Variants in CDH12 observed in about 807,000 individuals in gnomAD.
The protein encoded by CDH12 is cadherin 12.
Under a neutral mutation model 74.1 loss-of-function variants are expected in CDH12, and 41 were observed. That is an observed-to-expected ratio of 0.55 (90% CI 0.43 to 0.72). CDH12 has a LOEUF of 0.72. Ranked by LOEUF, CDH12 falls within the 30% of genes least tolerant of loss-of-function variation. The pLI is 0.00. For synonymous variants in CDH12, 399 were observed against 355.0 expected, an observed-to-expected ratio of 1.12 and a Z score of -1.39; for missense variants, 945 against 977.2, an observed-to-expected ratio of 0.97 and a Z score of 0.44.
intron 4 of CDH12, among the ~76,000 whole-genome samples, chr5:22,103,419 C>T (rs749693260): frequency 1.3e-5 from 2 of 152,154 alleles, no homozygotes; most frequent in Non-Finnish European, 2.9e-5. Context: ...TCTGCAGCTG[C>T]TCATCAACAC....
chr5:22,634,976 A>AT (rs70959747), intron 1 of CDH12, among the ~76,000 whole-genome samples: 37,779 of 146,320 alleles, frequency 0.26, 5,605 homozygotes, highest in East Asian at 0.56. Flanking sequence ...TCACAGTTGG[A>AT]TTTTTTTTTT....
At chr5:22,615,321 A>C (rs1207267145) in intron 1 of CDH12, among the ~76,000 whole-genome samples, 1 of 152,120 alleles carries the variant, frequency 6.6e-6, no homozygotes, top group Non-Finnish European at 1.5e-5. Flanking sequence ...ACTCACTGAA[A>C]TAATATATTT....
intron 1 of CDH12, among the ~76,000 whole-genome samples, chr5:22,517,760 A>G (rs1411025918): frequency 6.6e-6 from 1 of 152,166 alleles, no homozygotes. Flanking sequence ...TCCACAGTAC[A>G]ATTAGTTACT....
At chr5:21,864,755 C>T (rs1043707204) in intron 6 of CDH12, among the ~76,000 whole-genome samples, 6 of 152,154 alleles carry the variant, frequency 3.9e-5, no homozygotes, top group African/African-American at 1.4e-4. Context: ...CCTAGATCAC[C>T]ATGAACACAG....
chr5:22,113,085 TC>T (rs1428303536), intron 4 of CDH12, among the ~76,000 whole-genome samples: 4 of 152,146 alleles, frequency 2.6e-5, no homozygotes, highest in Admixed American at 6.5e-5. Flanking sequence ...GCCCTACAAA[TC>T]ATAAATTCTC....
intron 6 of CDH12, among the ~76,000 whole-genome samples, chr5:21,954,941 T>G (rs1400126805): frequency 6.6e-6 from 1 of 152,062 alleles, no homozygotes; most frequent in Non-Finnish European, 1.5e-5. Flanking sequence ...GTGGCATGGT[T>G]TAATTTGTTT....
At position 22,071,968 on chromosome 5, in the gene CDH12, C is replaced by T. The variant is rs183047562; in HGVS notation, c.231+6478G>A. ...CTAATTTGTCTCATCCTTTACATTG[C>T]CATGATCAATGAATCTTGAAATTTT... On this transcript the variant is annotated intron_variant, in intron 5 of 14. Coordinates refer to ENST00000382254, the MANE Select transcript of CDH12 (RefSeq NM_004061.5). Among the ~76,000 whole-genome samples the T allele has an allele frequency of 4.6e-5, 7 of 152,200 alleles. No individual in the cohort carries two copies. In the East Asian group the frequency reaches 1.2e-3, roughly 25 times the overall value.
intron 1 of CDH12, among the ~76,000 whole-genome samples, chr5:22,518,987 C>A (rs1360640056): frequency 1.3e-5 from 2 of 152,148 alleles, no homozygotes; most frequent in African/African-American, 4.8e-5. Context: ...GGGGTGACCT[C>A]CTGGTACCAG....
At chr5:22,600,094 G>T (rs540850341) in intron 1 of CDH12, among the ~76,000 whole-genome samples, 1 of 152,228 alleles carries the variant, frequency 6.6e-6, no homozygotes, top group Admixed American at 6.5e-5. Context: ...CTGGGCTCTG[G>T]GGTTATACCT....
intron 1 of CDH12, among the ~76,000 whole-genome samples, chr5:22,571,622 C>T (rs1259456438): frequency 1.3e-5 from 2 of 152,182 alleles, no homozygotes; most frequent in East Asian, 1.9e-4. Flanking sequence ...CCAACGTGCC[C>T]GGCAATCATT....
intron 1 of CDH12, among the ~76,000 whole-genome samples, chr5:22,595,035 T>A (rs556776298): frequency 6.6e-6 from 1 of 152,336 alleles, no homozygotes; most frequent in East Asian, 1.9e-4. Context: ...TTGTTCTCCC[T>A]AATTTTAACT....
At chr5:22,781,833 G>T (rs1226990729) in intron 1 of CDH12, among the ~76,000 whole-genome samples, 1 of 152,174 alleles carries the variant, frequency 6.6e-6, no homozygotes, top group African/African-American at 2.4e-5. Context: ...AAAATTGTTA[G>T]AAAAGAAATT....
At chr5:22,155,176 A>G (rs1747944128) in intron 4 of CDH12, among the ~76,000 whole-genome samples, 1 of 152,146 alleles carries the variant, frequency 6.6e-6, no homozygotes, top group Admixed American at 6.6e-5. Flanking sequence ...TGCTTATAGA[A>G]AGGCTCATGT....
chr5:21,772,272 A>G (rs1007099042), intron 11 of CDH12, among the ~76,000 whole-genome samples: 1 of 151,922 alleles, frequency 6.6e-6, no homozygotes, highest in Non-Finnish European at 1.5e-5. Flanking sequence ...ACATGCTGAG[A>G]AAAAAAATCA....
At chr5:22,414,779 GT>G (rs1743310282) in intron 2 of CDH12, among the ~76,000 whole-genome samples, 1 of 151,606 alleles carries the variant, frequency 6.6e-6, no homozygotes, top group South Asian at 2.1e-4. Flanking sequence ...ATGAAATGCA[GT>G]TTTGGACTTA....
intron 1 of CDH12, among the ~76,000 whole-genome samples, chr5:22,594,939 A>T (rs1432908105): frequency 2.6e-5 from 4 of 152,092 alleles, no homozygotes; most frequent in Non-Finnish European, 4.4e-5. Context: ...TCAGTGTAAC[A>T]CTCGGCACAG....
intron 3 of CDH12, among the ~76,000 whole-genome samples, chr5:22,320,780 A>C (rs905524516): frequency 2.0e-5 from 3 of 152,202 alleles, no homozygotes; most frequent in Non-Finnish European, 4.4e-5. Flanking sequence ...TTAAAAAACA[A>C]AGGTTTAGTT....
chr5:22,601,373 T>G (rs748786198), intron 1 of CDH12, among the ~76,000 whole-genome samples: 1 of 147,158 alleles, frequency 6.8e-6, no homozygotes, highest in Non-Finnish European at 1.5e-5. Context: ...CATGGACACA[T>G]AGAAGGAACA....
intron 5 of CDH12, among the ~76,000 whole-genome samples, chr5:22,030,834 G>T (rs796819514): frequency 5.9e-5 from 9 of 152,286 alleles, no homozygotes; most frequent in African/African-American, 2.2e-4. Context: ...ATATTAGCAA[G>T]ATCTTTTGGA....
Sources: allele counts gnomAD v4.1 joint callset (sites outside exome capture counted in the v4.1 genomes callset), GRCh38; gene constraint gnomAD v4.1.1; transcripts MANE v1.5; gene names NCBI Gene and HGNC (gene_info 2026-07-23, HGNC 2026-07-21).